POC1B: variants seen among roughly 807,000 people sequenced by gnomAD.
POC1B encodes the protein POC1 centriolar protein B, also known as POC1 centriolar protein homolog B.
In POC1B, 44 loss-of-function variants were observed where a neutral mutation model predicts 60.6. That is an observed-to-expected ratio of 0.73 (90% CI 0.57 to 0.93). POC1B has a LOEUF of 0.93. Ranked by LOEUF, POC1B falls within the 40% of genes least tolerant of loss-of-function variation. The pLI, the probability that POC1B is intolerant of heterozygous loss-of-function variation, is 0.00. For synonymous variants in POC1B, 180 were observed against 198.9 expected, an observed-to-expected ratio of 0.90 and a Z score of 0.80; for missense variants, 555 against 572.3, an observed-to-expected ratio of 0.97 and a Z score of 0.31.
chr12:89,462,599 G>A (rs1048327171), intron 9 of POC1B, among the ~76,000 whole-genome samples: 7 of 152,088 alleles, frequency 4.6e-5, no homozygotes, highest in African/African-American at 1.7e-4. Context: ...ATACTCTAAA[G>A]CTAGTACAAC....
intron 2 of POC1B, chr12:89,522,017 A>G (rs567601523): frequency 2.5e-5 from 10 of 398,880 alleles, no homozygotes; most frequent in African/African-American, 4.1e-5. Flanking sequence ...TTTCTAGTAC[A>G]TTCATAACTT....
chr12:89,424,134 T>A (rs1427804834), intron 11 of POC1B, among the ~76,000 whole-genome samples: 1 of 152,236 alleles, frequency 6.6e-6, no homozygotes, highest in Non-Finnish European at 1.5e-5. Context: ...CACATGGCTC[T>A]TTCTCACAAT....
At chr12:89,496,990 G>T in intron 3 of POC1B, 181 bp downstream of exon 3, 1 of 646,558 alleles carries the variant, frequency 1.5e-6, no homozygotes, top group Non-Finnish European at 2.6e-6. Context: ...TTTTCAAAAA[G>T]AAGACATAAT....
intron 2 of POC1B, chr12:89,524,504 C>A: frequency 1.2e-6 from 2 of 1,612,598 alleles, no homozygotes; most frequent in Non-Finnish European, 8.5e-7. Flanking sequence ...GTTAAAAACG[C>A]CAGCAGCAGG....
intron 10 of POC1B, among the ~76,000 whole-genome samples, chr12:89,439,752 T>C (rs1007332342): frequency 2.6e-5 from 4 of 151,988 alleles, no homozygotes; most frequent in African/African-American, 9.7e-5. Context: ...TACATGCATG[T>C]ACAACCATGC....
intron 2 of POC1B, among the ~76,000 whole-genome samples, chr12:89,503,941 A>C: frequency 6.8e-6 from 1 of 147,610 alleles, no homozygotes; most frequent in Non-Finnish European, 1.5e-5. Context: ...CTGTCTGGGA[A>C]GTGAGGAGCG....
intron 10 of POC1B, among the ~76,000 whole-genome samples, chr12:89,441,354 A>G (rs1210486076): frequency 1.3e-5 from 2 of 152,172 alleles, no homozygotes; most frequent in Admixed American, 6.5e-5. Flanking sequence ...CCTAACTGGG[A>G]GGTACCTCCC....
chr12:89,489,063 G>A (rs978095531), intron 4 of POC1B, among the ~76,000 whole-genome samples: 3 of 152,076 alleles, frequency 2.0e-5, no homozygotes, highest in Admixed American at 1.3e-4. Context: ...TGGGACCATC[G>A]TGCGTTATCT....
chr12:89,523,944 A>G, intron 2 of POC1B: 2 of 1,613,286 alleles, frequency 1.2e-6, no homozygotes, highest in East Asian at 2.2e-5. Flanking sequence ...CCTCTCGCTT[A>G]TTGGTCCTAA....
intron 2 of POC1B, chr12:89,524,290 T>G: frequency 6.2e-7 from 1 of 1,614,042 alleles, no homozygotes; most frequent in South Asian, 1.1e-5. Flanking sequence ...CAGTTCATCC[T>G]CGTTGAGCTG....
intron 3 of POC1B, among the ~76,000 whole-genome samples, chr12:89,493,567 G>T (rs928876075): frequency 6.6e-5 from 10 of 152,220 alleles, no homozygotes; most frequent in Admixed American, 5.2e-4. Context: ...CCAGGGACTA[G>T]CTCAGTGAAG....
At chr12:89,521,110 T>A (rs1179211989) in intron 2 of POC1B, 1 of 133,780 alleles carries the variant, frequency 7.5e-6, no homozygotes. Context: ...TTTATTATTA[T>A]TTTTTTTTTT....
intron 10 of POC1B, among the ~76,000 whole-genome samples, chr12:89,433,475 C>T (rs1322213773): frequency 2.0e-5 from 3 of 151,914 alleles, no homozygotes; most frequent in Non-Finnish European, 2.9e-5. Flanking sequence ...TGTGAAGGAG[C>T]CAGAGAAACA....
chr12:89,461,996 A>G (rs1882502439), intron 9 of POC1B, among the ~76,000 whole-genome samples: 1 of 152,168 alleles, frequency 6.6e-6, no homozygotes, highest in South Asian at 2.1e-4. Flanking sequence ...TACCTAGAAA[A>G]TACAATCTAG....
At position 89,470,455 on chromosome 12, in the gene POC1B, G is replaced by T. The variant is rs375108937; in HGVS notation, c.716C>A (p.Ser239Ter). Residue 239 changes from serine to a stop codon, truncating the protein, a stop_gained, in exon 7 of 12, where the codon TCG (serine) becomes TAG (stop). Transcript: ENST00000313546. LOFTEE classifies it high-confidence loss of function. ...AGAAGCTGTGATGAGATAGTTACCCGAAGGATGGAATGATATGCAATTAAC... is the reference window on the plus strand; with the variant it reads ...AGAAGCTGTGATGAGATAGTTACCCTAAGGATGGAATGATATGCAATTAAC... ...GGVNCISFHP[S>*]GNYLITASSD... is the part of the protein sequence containing the mutation. 1.2e-6 allele frequency: 2 copies of T among 1,607,084 alleles called. No individual in the cohort carries two copies. The highest frequency in any genetic ancestry group is 1.7e-6 in the Non-Finnish European group (2 of 1,174,984).
chr12:89,507,017 A>G (rs1489615108), intron 2 of POC1B, among the ~76,000 whole-genome samples: 1 of 152,124 alleles, frequency 6.6e-6, no homozygotes, highest in Non-Finnish European at 1.5e-5. Flanking sequence ...AATACATATT[A>G]TATAACATAT....
chr12:89,459,509 A>C, intron 10 of POC1B, 129 bp downstream of exon 10: 1 of 443,222 alleles, frequency 2.3e-6, no homozygotes, highest in Non-Finnish European at 3.9e-6. Context: ...AGTTTTTCCT[A>C]TACTAAAATG....
At chr12:89,501,829 A>G in intron 2 of POC1B, 1 of 1,196,330 alleles carries the variant, frequency 8.4e-7, no homozygotes, top group Admixed American at 1.7e-5. Context: ...GAAAAAAACT[A>G]TTCCACTTAA....
intron 2 of POC1B, among the ~76,000 whole-genome samples, chr12:89,519,170 G>C (rs1870641016): frequency 6.6e-6 from 1 of 152,180 alleles, no homozygotes. Context: ...GTGGGCCCCA[G>C]AGATCCCAGA....
Sources: allele counts gnomAD v4.1 joint callset (sites outside exome capture counted in the v4.1 genomes callset), GRCh38; gene constraint gnomAD v4.1.1; transcripts MANE v1.5; gene names NCBI Gene and HGNC (gene_info 2026-07-23, HGNC 2026-07-21).